ATP2B2: variants seen among roughly 807,000 people sequenced by gnomAD.
The protein encoded by ATP2B2 is ATPase plasma membrane Ca2+ transporting 2.
ATP2B2 carries 15 observed loss-of-function variants against 120.0 expected under a neutral mutation model. That is an observed-to-expected ratio of 0.12 (90% CI 0.08 to 0.19). ATP2B2 has a LOEUF of 0.19. Among genes scored for constraint, ATP2B2 ranks in the 10% least tolerant of loss-of-function variants. ATP2B2 has a pLI of 1.00. For synonymous variants in ATP2B2, 694 were observed against 700.3 expected (o/e 0.99, Z 0.14); for missense variants, 1,045 against 1,719.8 (o/e 0.61, Z 6.94).
intron 1 of ATP2B2, among the ~76,000 whole-genome samples, chr3:10,654,740 G>C (rs1047518343): frequency 6.6e-6 from 1 of 151,132 alleles, no homozygotes; most frequent in African/African-American, 2.4e-5. Context: ...CTCCATAGGG[G>C]AGTGGTCCTC....
chr3:10,397,873 T>C (rs1227150671), intron 5 of ATP2B2, among the ~76,000 whole-genome samples: 5 of 152,208 alleles, frequency 3.3e-5, no homozygotes, highest in Non-Finnish European at 7.3e-5. Context: ...TGTCTGATAA[T>C]GGTCCCAACT....
chr3:10,369,071 C>T (rs2061152665), intron 12 of ATP2B2, among the ~76,000 whole-genome samples: 1 of 152,196 alleles, frequency 6.6e-6, no homozygotes, highest in African/African-American at 2.4e-5. Flanking sequence ...TATGGGAGCC[C>T]AGCCCTGCCC....
intron 22 of ATP2B2, among the ~76,000 whole-genome samples, chr3:10,336,836 C>T (rs1045601085): frequency 6.6e-6 from 1 of 152,248 alleles, no homozygotes; most frequent in Non-Finnish European, 1.5e-5. Context: ...TGTTAGCATT[C>T]CGCAAGAGGC....
intron 2 of ATP2B2, among the ~76,000 whole-genome samples, chr3:10,430,078 G>A (rs368925620): frequency 1.3e-5 from 2 of 152,224 alleles, no homozygotes; most frequent in Admixed American, 6.5e-5. Context: ...GCATGAAAGT[G>A]CCACAGAAGT....
At chr3:10,706,388 G>A (rs747733542) in intron 1 of ATP2B2, among the ~76,000 whole-genome samples, 9 of 152,136 alleles carry the variant, frequency 5.9e-5, no homozygotes, top group Admixed American at 1.3e-4. Flanking sequence ...GGGTTTTGTC[G>A]TCATTTCCGT....
At chr3:10,357,199 C>T (rs1186426731) in intron 14 of ATP2B2, among the ~76,000 whole-genome samples, 1 of 152,096 alleles carries the variant, frequency 6.6e-6, no homozygotes. Flanking sequence ...CTATCTTGTA[C>T]CAGATACTCT....
intron 2 of ATP2B2, among the ~76,000 whole-genome samples, chr3:10,617,739 G>A (rs1268442114): frequency 2.6e-5 from 4 of 152,328 alleles, no homozygotes; most frequent in South Asian, 4.1e-4. Flanking sequence ...GCAGCAGGAC[G>A]GCTCCCAGAT....
At chr3:10,557,020 G>C (rs544675960) in intron 2 of ATP2B2, among the ~76,000 whole-genome samples, 22 of 152,266 alleles carry the variant, frequency 1.4e-4, no homozygotes, top group African/African-American at 4.8e-4. Flanking sequence ...CCAGACACCA[G>C]GCTGTGATGG....
rs745316433 is a variant in ATP2B2, at chr3:10,346,149, G to A, written c.2405-12C>T. On this transcript the variant is annotated splice_polypyrimidine_tract_variant and intron_variant, in intron 16 of 22. Coordinates refer to ENST00000360273, the MANE Select transcript of ATP2B2 (RefSeq NM_001001331.4). The surrounding 1 kb of genome is among the most constrained non-coding windows in gnomAD (Gnocchi z 4.1). ...GCTGTCGATGATGCCTGTTGGGGCA[G>A]GAGTGTGCTCAGGCCCTGGGCCACT... 28 of 1,608,264 alleles carry A rather than the reference G, an allele frequency of 1.7e-5. No homozygotes were observed. Among genetic ancestry groups the A allele is most frequent in the Middle Eastern group, 1.6e-4 (1 of 6,084 alleles).
At chr3:10,484,449 C>T (rs2065549193) in intron 1 of ATP2B2, among the ~76,000 whole-genome samples, 1 of 152,082 alleles carries the variant, frequency 6.6e-6, no homozygotes, top group Non-Finnish European at 1.5e-5. Flanking sequence ...CCCCGTACCC[C>T]CACAGCCACC....
intron 2 of ATP2B2, among the ~76,000 whole-genome samples, chr3:10,566,832 T>A (rs549744322): frequency 2.6e-5 from 4 of 152,344 alleles, no homozygotes; most frequent in Admixed American, 6.5e-5. Flanking sequence ...CAGTTTTCCA[T>A]CAATTTCCTT....
At chr3:10,559,071 T>C (rs2067843584) in intron 2 of ATP2B2, among the ~76,000 whole-genome samples, 1 of 152,240 alleles carries the variant, frequency 6.6e-6, no homozygotes, top group Admixed American at 6.5e-5. Flanking sequence ...AAACACTCTC[T>C]GCTGATCCAG....
chr3:10,465,823 T>C (rs941915880), intron 1 of ATP2B2, among the ~76,000 whole-genome samples: 10 of 152,222 alleles, frequency 6.6e-5, no homozygotes, highest in Admixed American at 1.3e-4. Context: ...GGGGGGCGTG[T>C]GCAGGTGTGT....
intron 1 of ATP2B2, among the ~76,000 whole-genome samples, chr3:10,670,948 C>T (rs1363747179): frequency 6.6e-6 from 1 of 152,192 alleles, no homozygotes; most frequent in Non-Finnish European, 1.5e-5. Context: ...CAAAGGAGAG[C>T]TGGCTTTGGT....
At chr3:10,578,528 C>CAG (rs754930821) in intron 2 of ATP2B2, among the ~76,000 whole-genome samples, 3 of 145,964 alleles carry the variant, frequency 2.1e-5, no homozygotes, top group Non-Finnish European at 4.5e-5. Flanking sequence ...GCCTGGGTGA[C>CAG]AGAGAGAGAG....
intron 2 of ATP2B2, among the ~76,000 whole-genome samples, chr3:10,536,735 C>G (rs1023982582): frequency 6.6e-6 from 1 of 151,364 alleles, no homozygotes; most frequent in African/African-American, 2.4e-5. Context: ...ACTAAGTTGC[C>G]CAGGCTGGTC....
intron 1 of ATP2B2, among the ~76,000 whole-genome samples, chr3:10,479,279 G>A (rs2065315012): frequency 6.6e-6 from 1 of 151,690 alleles, no homozygotes; most frequent in Non-Finnish European, 1.5e-5. Context: ...GGGTGGCCTG[G>A]CCTTGCTCCT....
At chr3:10,502,321 G>C (rs367738356) in intron 1 of ATP2B2, among the ~76,000 whole-genome samples, 1 of 152,190 alleles carries the variant, frequency 6.6e-6, no homozygotes, top group African/African-American at 2.4e-5. Context: ...GCAGAGATAG[G>C]CCTGCCTGGC....
chr3:10,521,771 T>C (rs2066989672), intron 3 of ATP2B2, among the ~76,000 whole-genome samples: 1 of 152,194 alleles, frequency 6.6e-6, no homozygotes, highest in South Asian at 2.1e-4. Flanking sequence ...TGGGCTACAT[T>C]TGGAAGGAAC....
Sources: gnomAD v4.1 joint callset for allele counts (sites outside exome capture counted in the v4.1 genomes callset) on GRCh38, gnomAD v4.1.1 for gene constraint, Gnocchi (gnomAD v3.1) non-coding constraint, MANE v1.5 for transcripts, NCBI Gene and HGNC (gene_info 2026-07-23, HGNC 2026-07-21) for gene names.